ROBO2: variants seen among roughly 807,000 people sequenced by gnomAD.
ROBO2 encodes the protein roundabout homolog 2.
Under a neutral mutation model 160.8 loss-of-function variants are expected in ROBO2, and 53 were observed. The observed-to-expected ratio is 0.33, with a 90% CI of 0.26 to 0.41. The LOEUF (loss-of-function observed/expected upper bound fraction) is 0.41. Ranked by LOEUF, ROBO2 falls within the 10% of genes least tolerant of loss-of-function variation. ROBO2 has a pLI of 1.00. For synonymous variants in ROBO2, 664 were observed against 611.7 expected, an observed-to-expected ratio of 1.09 and a Z score of -1.26; for missense variants, 1,577 against 1,722.4, an observed-to-expected ratio of 0.92 and a Z score of 1.49.
At chr3:75,933,760 A>T (rs1450164569) in intron 1 of ROBO2, among the ~76,000 whole-genome samples, 1 of 152,172 alleles carries the variant, frequency 6.6e-6, no homozygotes, top group African/African-American at 2.4e-5. Context: ...CCATTCGGGG[A>T]GGGCAGACAG....
chr3:75,984,791 C>T (rs560516559), intron 2 of ROBO2, among the ~76,000 whole-genome samples: 10 of 151,284 alleles, frequency 6.6e-5, no homozygotes, highest in Admixed American at 2.6e-4. Context: ...GAAAATCTGG[C>T]TTAGGGGTCT....
At chr3:76,987,068 G>A (rs1243776866) in intron 2 of ROBO2, among the ~76,000 whole-genome samples, 1 of 152,162 alleles carries the variant, frequency 6.6e-6, no homozygotes, top group Non-Finnish European at 1.5e-5. Flanking sequence ...GATGTTTGAA[G>A]TACAGTAAAA....
At chr3:77,323,475 A>G (rs9874869) in intron 2 of ROBO2, among the ~76,000 whole-genome samples, 14,788 of 152,160 alleles carry the variant, frequency 0.097, 937 homozygotes, top group East Asian at 0.34. Context: ...TCTTTCTTCC[A>G]AAATTAATCA....
chr3:77,544,262 G>A (rs1248874413), intron 6 of ROBO2, among the ~76,000 whole-genome samples: 5 of 152,026 alleles, frequency 3.3e-5, no homozygotes, highest in South Asian at 2.1e-4. Flanking sequence ...AAAAATCAAT[G>A]TATCTGCTGA....
chr3:76,141,347 C>G (rs1482753903), intron 2 of ROBO2, among the ~76,000 whole-genome samples: 8 of 149,688 alleles, frequency 5.3e-5, no homozygotes, highest in Admixed American at 4.0e-4. Flanking sequence ...ATTCTAATCA[C>G]AGGGAAATGT....
chr3:76,992,724 TCA>T (rs2060758032), intron 2 of ROBO2, among the ~76,000 whole-genome samples: 1 of 152,028 alleles, frequency 6.6e-6, no homozygotes, highest in South Asian at 2.1e-4. Context: ...AGCATCTGAG[TCA>T]CAAGAAATGG....
chr3:76,408,719 A>C (rs2075338563), intron 2 of ROBO2, among the ~76,000 whole-genome samples: 1 of 152,124 alleles, frequency 6.6e-6, no homozygotes, highest in Non-Finnish European at 1.5e-5. Flanking sequence ...TAAGATATTC[A>C]GGGAAAATAA....
chr3:76,072,238 C>CAA (rs34275508), intron 2 of ROBO2, among the ~76,000 whole-genome samples: 232 of 150,064 alleles, frequency 1.5e-3, no homozygotes, highest in Non-Finnish European at 2.5e-3. Flanking sequence ...CTTTCCCCCG[C>CAA]AAAAAAAAAT....
At chr3:75,936,296 T>G (rs1195447031) in intron 1 of ROBO2, among the ~76,000 whole-genome samples, 3 of 152,156 alleles carry the variant, frequency 2.0e-5, no homozygotes, top group Non-Finnish European at 4.4e-5. Context: ...AAAGAAAACT[T>G]CTGGGTGACT....
chr3:76,476,806 T>C (rs1381110850), intron 2 of ROBO2, among the ~76,000 whole-genome samples: 4 of 151,740 alleles, frequency 2.6e-5, no homozygotes, highest in Non-Finnish European at 5.9e-5. Context: ...CAAACGAGAT[T>C]TGATCACACC....
chr3:77,319,153 T>A (rs2064391035), intron 2 of ROBO2, among the ~76,000 whole-genome samples: 1 of 152,198 alleles, frequency 6.6e-6, no homozygotes, highest in Non-Finnish European at 1.5e-5. Flanking sequence ...AAGTCCATTA[T>A]GAGTTTAATT....
chr3:76,060,606 C>T (rs2068040783), intron 2 of ROBO2, among the ~76,000 whole-genome samples: 1 of 152,100 alleles, frequency 6.6e-6, no homozygotes. Context: ...GATTTCCATC[C>T]CTAACAATGG....
At chr3:76,997,909 CA>C (rs781327375) in intron 2 of ROBO2, among the ~76,000 whole-genome samples, 65 of 152,240 alleles carry the variant, frequency 4.3e-4, no homozygotes, top group Non-Finnish European at 8.4e-4. Context: ...AGCTCAGCCC[CA>C]TATGCTTTCC....
chr3:77,545,565 C>T (rs560674345), intron 6 of ROBO2, among the ~76,000 whole-genome samples: 6 of 152,102 alleles, frequency 3.9e-5, no homozygotes, highest in South Asian at 2.1e-4. Flanking sequence ...GATTTAATTT[C>T]GTTTTTGTTT....
chr3:76,842,212 G>A (rs545878436), intron 2 of ROBO2, among the ~76,000 whole-genome samples: 2 of 152,150 alleles, frequency 1.3e-5, no homozygotes, highest in Non-Finnish European at 2.9e-5. Flanking sequence ...ACGTTATTAC[G>A]GCTGTTGCTG....
intron 2 of ROBO2, among the ~76,000 whole-genome samples, chr3:76,398,649 T>C (rs975622930): frequency 2.0e-5 from 3 of 151,904 alleles, no homozygotes; most frequent in African/African-American, 7.2e-5. Flanking sequence ...TAGTTTTTAG[T>C]ATATTTTAAA....
intron 2 of ROBO2, among the ~76,000 whole-genome samples, chr3:76,122,291 T>C (rs2070783240): frequency 1.3e-5 from 2 of 152,022 alleles, no homozygotes; most frequent in South Asian, 2.1e-4. Flanking sequence ...TTTAACCAAA[T>C]GTAAATAAGT....
intron 2 of ROBO2, among the ~76,000 whole-genome samples, chr3:75,973,207 A>G (rs571117546): frequency 6.6e-5 from 10 of 151,806 alleles, no homozygotes; most frequent in Admixed American, 3.9e-4. Context: ...TAGAAGGACT[A>G]TAAGATGGAT....
chr3:76,727,238 T>C (rs1451205699), intron 2 of ROBO2, among the ~76,000 whole-genome samples: 1 of 152,190 alleles, frequency 6.6e-6, no homozygotes, highest in African/African-American at 2.4e-5. Flanking sequence ...AGTCAGAAGA[T>C]CTGGGCTCCA....
Sources: allele counts gnomAD v4.1 joint callset (sites outside exome capture counted in the v4.1 genomes callset), GRCh38; gene constraint gnomAD v4.1.1; transcripts MANE v1.5; gene names NCBI Gene and HGNC (gene_info 2026-07-23, HGNC 2026-07-21).